The following SMPD3 variants were observed in gnomAD, a reference collection of about 807,000 sequenced individuals.
SMPD3 encodes the protein nSMase-2.
A neutral mutation model predicts 55.7 loss-of-function variants in SMPD3; 21 were observed. The ratio of observed to expected loss-of-function variants is 0.38; its 90% confidence interval spans 0.27 to 0.54. The LOEUF (loss-of-function observed/expected upper bound fraction) is 0.54, where lower values mean the gene tolerates loss of function less well. Among genes scored for constraint, SMPD3 ranks in the 20% least tolerant of loss-of-function variants. SMPD3 has a pLI of 0.80. For synonymous variants in SMPD3, 457 were observed against 404.3 expected, an observed-to-expected ratio of 1.13 and a Z score of -1.56; for missense variants, 842 against 899.6, an observed-to-expected ratio of 0.94 and a Z score of 0.82.
intron 7 of SMPD3, 78 bp from the exon 8 acceptor site, chr16:68,361,837 G>A (rs1459437667): frequency 9.9e-6 from 15 of 1,515,036 alleles, no homozygotes; most frequent in Admixed American, 3.7e-5. Context: ...GTGGAGCCAT[G>A]GTCTCCTCCC....
At chr16:68,375,176 G>A (rs1450621212) in intron 2 of SMPD3, among the ~76,000 whole-genome samples, 5 of 152,024 alleles carry the variant, frequency 3.3e-5, no homozygotes, top group African/African-American at 7.2e-5. Context: ...AGTGTGCAGC[G>A]GGTCCTCCCA....
chr16:68,393,318 C>T (rs972556100), intron 1 of SMPD3, among the ~76,000 whole-genome samples: 17 of 152,126 alleles, frequency 1.1e-4, no homozygotes, highest in South Asian at 1.0e-3. Flanking sequence ...GCCAGGGAAT[C>T]GCTTGAACCC....
chr16:68,444,270 C>G (rs1237154454), intron 1 of SMPD3, among the ~76,000 whole-genome samples: 1 of 152,198 alleles, frequency 6.6e-6, no homozygotes, highest in East Asian at 1.9e-4. Flanking sequence ...AGCTCTCCTC[C>G]ACAGTGATCC....
chr16:68,401,457 T>A (rs1270943555), intron 1 of SMPD3, among the ~76,000 whole-genome samples: 2 of 150,882 alleles, frequency 1.3e-5, no homozygotes, highest in East Asian at 3.9e-4. Flanking sequence ...GTGATAGGGG[T>A]ATAGGAGGCA....
rs1170985533 is a variant in SMPD3, at chr16:68,447,434, C to A, written c.-269+919G>T. On this transcript the variant is annotated intron_variant, in intron 1 of 8. Transcript: ENST00000219334. This position sits in a 1 kb window ranked among gnomAD's most constrained non-coding sequence, Gnocchi z 5.1. Reference sequence around the variant, plus strand: ...GTCCCCGGGGCGTGGTGGGCTAGGGCGGGTCGTCTCGACTTAGAGCCCCAG... The same window carrying A: ...GTCCCCGGGGCGTGGTGGGCTAGGGAGGGTCGTCTCGACTTAGAGCCCCAG... Among the ~76,000 whole-genome samples, 1 of 152,082 alleles carries A rather than the reference C, an allele frequency of 6.6e-6. No individual in the cohort carries two copies. The highest frequency in any genetic ancestry group is 2.1e-4 in the South Asian group (1 of 4,834).
In SMPD3 at chr16:68,372,028, G is replaced by C. The variant is rs763180986; in HGVS notation, c.154C>G (p.Pro52Ala). 13 of 1,610,870 alleles carry C rather than the reference G, an allele frequency of 8.1e-6. No homozygotes were observed. The highest frequency in any genetic ancestry group is 2.7e-5 in the African/African-American group (2 of 74,938). The change falls in exon 3 of 9, where the codon CCG (proline) becomes GCG (alanine). Residue 52 changes from proline to alanine, a missense_variant. Transcript: ENST00000219334. ...TYEKRQRADD[P>A]CCLQLLCTAL... ...GTGCAGAGCAGCTGCAGGCAGCACG[G>C]GTCGTCTGCCCGCTGGCGCTTCTCG...
chr16:68,424,621 G>A (rs773338437), intron 1 of SMPD3, among the ~76,000 whole-genome samples: 22 of 152,204 alleles, frequency 1.4e-4, no homozygotes, highest in Non-Finnish European at 2.4e-4. Context: ...ATGGTTCAGC[G>A]CCACGCCAGG....
intron 5 of SMPD3, among the ~76,000 whole-genome samples, chr16:68,364,187 A>T (rs1477971688): frequency 6.6e-6 from 1 of 152,220 alleles, no homozygotes; most frequent in Non-Finnish European, 1.5e-5. Context: ...TCCACAGATC[A>T]GTTATTTACA....
intron 8 of SMPD3, 34 bp downstream of exon 8, chr16:68,361,569 G>C: frequency 6.2e-7 from 1 of 1,601,628 alleles, no homozygotes. Context: ...CTCTCTCTTT[G>C]CATGGCCCTG....
chr16:68,389,351 T>C (rs1191580650), intron 1 of SMPD3, among the ~76,000 whole-genome samples: 1 of 152,158 alleles, frequency 6.6e-6, no homozygotes, highest in Non-Finnish European at 1.5e-5. Context: ...GTACCTGGGG[T>C]GACCCCTGAT....
Position 68,371,969 on chromosome 16 carries a change from C to T in SMPD3, c.213G>A (p.Leu71=), listed in dbSNP as rs768407798. 2 of 1,612,270 alleles carry T rather than the reference C, an allele frequency of 1.2e-6. No homozygotes were observed. Among genetic ancestry groups the T allele is most frequent in the South Asian group, 2.2e-5 (2 of 90,568 alleles). Residue 71 remains leucine (L), a synonymous_variant, in exon 3 of 9, where the codon CTG becomes CTA. Transcript: ENST00000219334. ...ALFTPIYLAL[L]VASLPFAFLG... ...GAAACGCAAAGGGCAGCGAGGCCAC[C>T]AGGAGGGCCAGGTAGATGGGCGTGA...
At chr16:68,426,774 ACACTGGGCTG>A (rs2090439149) in intron 1 of SMPD3, among the ~76,000 whole-genome samples, 1 of 152,146 alleles carries the variant, frequency 6.6e-6, no homozygotes, top group Admixed American at 6.5e-5. Flanking sequence ...ATTCAGCCTC[ACACTGGGCTG>A]TTCAACTTTT....
chr16:68,417,331 A>G (rs949409653), intron 1 of SMPD3, among the ~76,000 whole-genome samples: 1 of 152,090 alleles, frequency 6.6e-6, no homozygotes, highest in Non-Finnish European at 1.5e-5. Flanking sequence ...GCACACACTC[A>G]GGGAACCCAG....
At chr16:68,363,094 CTGAT>C (rs2089363294) in intron 7 of SMPD3, among the ~76,000 whole-genome samples, 1 of 152,134 alleles carries the variant, frequency 6.6e-6, no homozygotes, top group African/African-American at 2.4e-5. Flanking sequence ...CTGTATTTGC[CTGAT>C]TGGTGCTGCA....
At chr16:68,426,822 C>T (rs991356283) in intron 1 of SMPD3, among the ~76,000 whole-genome samples, 10 of 152,088 alleles carry the variant, frequency 6.6e-5, no homozygotes, top group African/African-American at 2.2e-4. Flanking sequence ...ATAATAACCT[C>T]ATTTGTGGAG....
intron 2 of SMPD3, among the ~76,000 whole-genome samples, chr16:68,384,024 C>T (rs532031686): frequency 3.9e-5 from 6 of 152,360 alleles, no homozygotes; most frequent in South Asian, 4.1e-4. Flanking sequence ...CTAAACTACA[C>T]ATCATACCAC....
At chr16:68,362,256 G>A (rs1045961408) in intron 7 of SMPD3, among the ~76,000 whole-genome samples, 2 of 152,194 alleles carry the variant, frequency 1.3e-5, no homozygotes, top group African/African-American at 4.8e-5. Context: ...AAGCCTCCAA[G>A]CCTCTGTTTC....
chr16:68,391,043 G>A (rs2090106892), intron 1 of SMPD3, among the ~76,000 whole-genome samples: 1 of 152,172 alleles, frequency 6.6e-6, no homozygotes, highest in South Asian at 2.1e-4. Context: ...AAGCTAATGG[G>A]GAATTAAGAC....
chr16:68,371,777 G>A lies in SMPD3; in HGVS notation c.405C>T (p.Pro135=), dbSNP rs1360583833. Residue 135 remains proline, a synonymous_variant, in exon 3 of 9, where the codon CCC becomes CCT. Coordinates refer to ENST00000219334, the MANE Select transcript of SMPD3 (RefSeq NM_018667.4). ...CFATANVCLL[P]DSLARVNNLF... is the part of the protein sequence containing the mutation. ...GGTTGTTGACCCTGGCGAGTGAGTCGGGCAGGAGGCAGACGTTGGCAGTGG... is the reference window on the plus strand; with the variant it reads ...GGTTGTTGACCCTGGCGAGTGAGTCAGGCAGGAGGCAGACGTTGGCAGTGG... The A allele has an allele frequency of 7.5e-6, 12 of 1,610,354 alleles. No individual in the cohort carries two copies. Among genetic ancestry groups the A allele is most frequent in the Admixed American group, 1.7e-5 (1 of 59,456 alleles).
Sources: gnomAD v4.1 joint callset for allele counts (sites outside exome capture counted in the v4.1 genomes callset) on GRCh38, gnomAD v4.1.1 for gene constraint, Gnocchi (gnomAD v3.1) non-coding constraint, MANE v1.5 for transcripts, NCBI Gene and HGNC (gene_info 2026-07-23, HGNC 2026-07-21) for gene names.